The following GPHN variants were observed in gnomAD, a reference collection of about 807,000 sequenced individuals.
The protein encoded by GPHN is gephyrin.
Under a neutral mutation model 95.5 loss-of-function variants are expected in GPHN, and 17 were observed. The ratio of observed to expected loss-of-function variants is 0.18; its 90% confidence interval spans 0.12 to 0.27. The LOEUF (loss-of-function observed/expected upper bound fraction) is 0.27, where lower values mean the gene tolerates loss of function less well. Among genes scored for constraint, GPHN ranks in the 10% least tolerant of loss-of-function variants. The pLI is 1.00. For missense variants in GPHN, 660 were observed against 978.1 expected (o/e 0.67, Z 4.34); for synonymous variants, 320 against 322.5 (o/e 0.99, Z 0.08).
chr14:67,238,459 G>A, the GPHN span, among the ~76,000 whole-genome samples: 1 of 151,598 alleles, frequency 6.6e-6, no homozygotes, highest in East Asian at 1.9e-4. Flanking sequence ...TTGTAGAGAC[G>A]GGGTCTCCCC....
the GPHN span, among the ~76,000 whole-genome samples, chr14:67,625,797 T>C: frequency 7.3e-6 from 1 of 137,630 alleles, no homozygotes; most frequent in Non-Finnish European, 1.5e-5. Flanking sequence ...TATTTGCAAA[T>C]CATATACCTG....
chr14:66,942,202 G>T (rs1205824144), intron 8 of GPHN, among the ~76,000 whole-genome samples: 1 of 152,200 alleles, frequency 6.6e-6, no homozygotes, highest in African/African-American at 2.4e-5. Context: ...AGTAGAGACA[G>T]TGTTTCAGCA....
chr14:67,412,411 C>T, the GPHN span, among the ~76,000 whole-genome samples: 1 of 152,206 alleles, frequency 6.6e-6, no homozygotes, highest in South Asian at 2.1e-4. Context: ...GCACTTAGCG[C>T]ATTGCCCTCG....
At chr14:67,139,145 C>T (rs1439973511) in intron 17 of GPHN, among the ~76,000 whole-genome samples, 1 of 151,606 alleles carries the variant, frequency 6.6e-6, no homozygotes, top group African/African-American at 2.4e-5. Flanking sequence ...GTTGCTTGAA[C>T]CCAGGAGGCG....
chr14:67,480,860 A>G, the GPHN span, among the ~76,000 whole-genome samples: 3 of 152,292 alleles, frequency 2.0e-5, no homozygotes, highest in African/African-American at 7.2e-5. Flanking sequence ...CCAGCTGGTA[A>G]CAGACGGGAG....
intron 9 of GPHN, among the ~76,000 whole-genome samples, chr14:66,992,086 A>C (rs117184244): frequency 0.012 from 1,827 of 152,156 alleles, 19 homozygotes; most frequent in Non-Finnish European, 0.018. Context: ...AAAGGAAAGG[A>C]ATGAAAATAC....
chr14:67,513,677 G>T, the GPHN span, among the ~76,000 whole-genome samples: 1 of 152,178 alleles, frequency 6.6e-6, no homozygotes, highest in South Asian at 2.1e-4. Flanking sequence ...TTGTATCCTT[G>T]TATCATTAGG....
chr14:66,989,427 G>A (rs1377869886), intron 9 of GPHN, among the ~76,000 whole-genome samples: 1 of 151,712 alleles, frequency 6.6e-6, no homozygotes, highest in African/African-American at 2.4e-5. Flanking sequence ...GCTGATTTCT[G>A]TATGGTAATA....
At chr14:67,296,585 C>CAAAA in the GPHN span, among the ~76,000 whole-genome samples, 181 of 51,000 alleles carry the variant, frequency 3.5e-3, 9 homozygotes, top group Non-Finnish European at 5.3e-3. Context: ...AACTCTGTCT[C>CAAAA]AAAAAAAAAA....
At chr14:67,279,194 G>A in the GPHN span, 3 of 1,604,198 alleles carry the variant, frequency 1.9e-6, no homozygotes, top group Admixed American at 5.2e-5. Flanking sequence ...ATATGAATGG[G>A]CATGTTACAG....
chr14:67,438,828 T>G, the GPHN span, among the ~76,000 whole-genome samples: 1 of 139,112 alleles, frequency 7.2e-6, no homozygotes, highest in Non-Finnish European at 1.5e-5. Flanking sequence ...GCCACTGCAC[T>G]CTAGCCTAGG....
intron 3 of GPHN, among the ~76,000 whole-genome samples, chr14:66,803,922 T>A (rs1345626016): frequency 1.3e-5 from 2 of 152,134 alleles, no homozygotes; most frequent in African/African-American, 4.8e-5. Flanking sequence ...TTTTGTTAAT[T>A]TTTTTTCTAT....
the GPHN span, chr14:67,620,911 G>GC: frequency 6.2e-7 from 1 of 1,614,216 alleles, no homozygotes. Context: ...AAGGAGTGGA[G>GC]CATGGTCCCG....
At chr14:67,392,051 TAGA>T in the GPHN span, among the ~76,000 whole-genome samples, 1 of 152,200 alleles carries the variant, frequency 6.6e-6, no homozygotes, top group Non-Finnish European at 1.5e-5. Context: ...GGCAATTGTG[TAGA>T]AGTTGTTTTT....
At chr14:67,164,956 AGT>A (rs1182927228) in intron 19 of GPHN, among the ~76,000 whole-genome samples, 1 of 152,120 alleles carries the variant, frequency 6.6e-6, no homozygotes, top group African/African-American at 2.4e-5. Flanking sequence ...TAAACCAGAA[AGT>A]GTGGTTACTT....
At chr14:67,724,457 T>C in the GPHN span, 8 of 1,578,238 alleles carry the variant, frequency 5.1e-6, no homozygotes, top group Admixed American at 1.0e-4. Flanking sequence ...GATGCTCTTG[T>C]TTCCCTTGCC....
the GPHN span, among the ~76,000 whole-genome samples, chr14:67,195,713 TTGTG>T: frequency 0.066 from 9,482 of 142,944 alleles, 329 homozygotes; most frequent in Middle Eastern, 0.1. Context: ...TTCTTTTTGG[TTGTG>T]TGTGTGTGTG....
the GPHN span, chr14:67,695,733 G>A: frequency 5.6e-6 from 9 of 1,610,240 alleles, no homozygotes; most frequent in African/African-American, 1.3e-5. Context: ...ACCAGAGCGG[G>A]ATGCTCCAGC....
the GPHN span, chr14:67,572,008 C>G: frequency 5.4e-6 from 8 of 1,480,910 alleles, no homozygotes; most frequent in Non-Finnish European, 7.3e-6. Context: ...GCTCGTGACC[C>G]CCCAGCAGCT....
Sources: gnomAD v4.1 joint callset for allele counts (sites outside exome capture counted in the v4.1 genomes callset) on GRCh38, gnomAD v4.1.1 for gene constraint, MANE v1.5 for transcripts, NCBI Gene and HGNC (gene_info 2026-07-23, HGNC 2026-07-21) for gene names.